NEK4: variants seen among roughly 807,000 people sequenced by gnomAD.
NEK4 encodes the protein NIMA related kinase 4, also known as serine/threonine-protein kinase Nek4.
NEK4 carries 86 observed loss-of-function variants against 98.4 expected under a neutral mutation model. That is an observed-to-expected ratio of 0.87 (90% confidence interval 0.73 to 1.05). The LOEUF (loss-of-function observed/expected upper bound fraction) is 1.05. Among genes scored for constraint, NEK4 ranks in the 50% least tolerant of loss-of-function variants. NEK4 has a pLI of 0.00. For synonymous variants in NEK4, 328 were observed against 342.2 expected (o/e 0.96, Z 0.46); for missense variants, 898 against 950.3 (o/e 0.94, Z 0.72).
At chr3:52,738,007 G>C (rs1578649887) in intron 14 of NEK4, among the ~76,000 whole-genome samples, 2 of 152,050 alleles carry the variant, frequency 1.3e-5, no homozygotes, top group South Asian at 4.2e-4. Flanking sequence ...TAGACACAGG[G>C]TTTCACTGTG....
At chr3:52,744,216 T>C (rs1274516301) in intron 11 of NEK4, 23 bp downstream of exon 11, 4 of 1,588,322 alleles carry the variant, frequency 2.5e-6, no homozygotes, top group Non-Finnish European at 3.5e-6. Flanking sequence ...GCCAATTAGA[T>C]GAAGAAAAGA....
Position 52,768,414 on chromosome 3 carries a change from A to G in NEK4, c.284T>C (p.Leu95Pro). The part of the protein sequence containing the change: ...FCEGGDLYRK[L>P]KEQKGQLLPE... ...CAGAAGCTGCCCTTTCTGCTCCTTG[A>G]GCTTTCGGTACAAATCACCTCCTTC... The change falls in exon 2 of 16, where the codon CTC (leucine) becomes CCC (proline). Residue 95 changes from leucine to proline, a missense_variant. Transcript: ENST00000233027. 6.2e-7 allele frequency: 1 copy of G among 1,614,098 alleles called. No homozygotes were observed. The highest frequency in any genetic ancestry group is 8.5e-7 in the Non-Finnish European group (1 of 1,179,988).
intron 5 of NEK4, among the ~76,000 whole-genome samples, chr3:52,761,661 G>A (rs1698362860): frequency 6.6e-6 from 1 of 152,160 alleles, no homozygotes; most frequent in South Asian, 2.1e-4. Flanking sequence ...GGTAATCACA[G>A]AAGAAACTAG....
At chr3:52,766,917 C>T (rs894970185) in intron 2 of NEK4, among the ~76,000 whole-genome samples, 4 of 151,770 alleles carry the variant, frequency 2.6e-5, no homozygotes, top group Non-Finnish European at 4.4e-5. Context: ...ACCCGGGAAG[C>T]GGAGCTTGCA....
chr3:52,763,913 T>A (rs1369654407), intron 4 of NEK4, among the ~76,000 whole-genome samples: 1 of 152,262 alleles, frequency 6.6e-6, no homozygotes, highest in Non-Finnish European at 1.5e-5. Flanking sequence ...AATGCAGTAC[T>A]GTTCTTGCAG....
intron 15 of NEK4, among the ~76,000 whole-genome samples, chr3:52,718,024 C>A (rs1199959481): frequency 2.0e-5 from 3 of 151,220 alleles, no homozygotes; most frequent in Admixed American, 6.6e-5. Flanking sequence ...AAACTCTTGA[C>A]CTCAAGTGAT....
At chr3:52,729,326 G>T (rs1477301449) in intron 15 of NEK4, among the ~76,000 whole-genome samples, 3 of 151,990 alleles carry the variant, frequency 2.0e-5, no homozygotes, top group African/African-American at 7.2e-5. Context: ...AAAATAGAAA[G>T]AACCTACGTT....
chr3:52,770,837 G>GGGCAGTGGGGCCGGCTGTTGA lies in NEK4; in HGVS notation c.-92_-91insTCAACAGCCGGCCCCACTGCC. Reference sequence around the variant, plus strand: ...AGAAGCTCGGTTCATGCCCGAGAGGGGGCAGTGGGGGCGGCTGTTGAGGCA... The same window carrying GGGCAGTGGGGCCGGCTGTTGA: ...AGAAGCTCGGTTCATGCCCGAGAGGGGGCAGTGGGGCCGGCTGTTGAGGCAGTGGGGGCGGCTGTTGAGGCA... On this transcript the variant is annotated 5_prime_UTR_variant, in exon 1 of 16. Transcript: ENST00000233027. 1 of 1,131,002 alleles carries GGGCAGTGGGGCCGGCTGTTGA rather than the reference G, an allele frequency of 8.8e-7. No homozygotes were observed. The highest frequency in any genetic ancestry group is 1.6e-5 in the African/African-American group (1 of 63,004). 70.1% of individuals were successfully genotyped at this position (1,131,002 alleles called of 1,614,324 possible). A position where few individuals can be genotyped will look rare whatever the true frequency, so the allele number is the denominator to read the frequency against.
intron 6 of NEK4, among the ~76,000 whole-genome samples, chr3:52,757,997 G>A (rs1177782602): frequency 2.0e-5 from 3 of 151,894 alleles, no homozygotes; most frequent in African/African-American, 7.3e-5. Context: ...CCAACGTGGT[G>A]AAACCCTGTC....
chr3:52,732,241 C>G (rs74429279), intron 15 of NEK4, among the ~76,000 whole-genome samples: 6,316 of 152,172 alleles, frequency 0.042, 242 homozygotes, highest in African/African-American at 0.099. Context: ...GTTGCCCAGG[C>G]TGAGTGCAGT....
chr3:52,717,172 C>T (rs975753403), intron 15 of NEK4, among the ~76,000 whole-genome samples: 10 of 151,904 alleles, frequency 6.6e-5, no homozygotes, highest in Admixed American at 2.6e-4. Flanking sequence ...TTTGGGAGAC[C>T]GAGGTGGGTG....
At chr3:52,722,571 A>G (rs1326108403) in intron 15 of NEK4, among the ~76,000 whole-genome samples, 1 of 152,180 alleles carries the variant, frequency 6.6e-6, no homozygotes, top group African/African-American at 2.4e-5. Context: ...AAAAGAAATC[A>G]ATAGAAATTG....
In NEK4 at chr3:52,739,502, A is replaced by G. The variant is rs776483280; in HGVS notation, c.2226T>C (p.Tyr742=). ...PVSEFKLHRK[Y]RDTLILHGKV... is the part of the protein sequence containing the mutation. The stretch of plus-strand genomic sequence containing the variant: ...TCCCATGAAGTATCAGTGTGTCCCG[A>G]TATTTCCGATGAAGTTTGAATTCTG... Residue 742 remains tyrosine, a synonymous_variant, in exon 14 of 16, where the codon TAT becomes TAC. Coordinates refer to ENST00000233027, the MANE Select transcript of NEK4 (RefSeq NM_003157.6). 11 of 1,614,044 alleles carry G rather than the reference A, an allele frequency of 6.8e-6. No individual in the cohort carries two copies. Among genetic ancestry groups the G allele is most frequent in the African/African-American group, 1.3e-5 (1 of 74,926 alleles).
intron 7 of NEK4, among the ~76,000 whole-genome samples, chr3:52,751,659 A>G (rs2097405300): frequency 6.6e-6 from 1 of 152,146 alleles, no homozygotes; most frequent in Non-Finnish European, 1.5e-5. Context: ...AAACACACAA[A>G]GCCATAAATT....
At chr3:52,760,654 A>G (rs1698320275) in intron 6 of NEK4, 141 bp downstream of exon 6, 2 of 702,054 alleles carry the variant, frequency 2.8e-6, no homozygotes, top group Non-Finnish European at 4.9e-6. Flanking sequence ...CTTAACCAGT[A>G]TTCTTTCTTT....
chr3:52,747,986 G>A (rs2097399154), intron 8 of NEK4, among the ~76,000 whole-genome samples: 1 of 151,890 alleles, frequency 6.6e-6, no homozygotes, highest in Non-Finnish European at 1.5e-5. Flanking sequence ...TTGAGACAGA[G>A]TCTCGCTCTG....
intron 7 of NEK4, among the ~76,000 whole-genome samples, chr3:52,750,978 T>A (rs533624412): frequency 5.9e-5 from 9 of 152,174 alleles, no homozygotes; most frequent in African/African-American, 2.2e-4. Context: ...TGTTGGTACA[T>A]CCTACATCAT....
rs1000133128 is a variant in NEK4, at chr3:52,760,962, T to C, written c.822-26A>G. The C allele has an allele frequency of 2.1e-6, 3 of 1,433,586 alleles. No homozygotes were observed. In the African/African-American group the frequency reaches 4.3e-5, roughly 21 times the overall value. 88.8% of individuals were successfully genotyped at this position (1,433,586 alleles called of 1,614,324 possible). ...CTTTATAAAGAAGAAAAGAAAGAGT[T>C]ATTATCAATATACTGAAGATTAAGG... On this transcript the variant is annotated intron_variant, in intron 5 of 15. Coordinates refer to ENST00000233027, the MANE Select transcript of NEK4 (RefSeq NM_003157.6).
chr3:52,765,312 T>C (rs1382342280), intron 4 of NEK4, among the ~76,000 whole-genome samples: 1 of 150,430 alleles, frequency 6.6e-6, no homozygotes, highest in East Asian at 2.0e-4. Context: ...GATCATGCCA[T>C]TGCACTCCAG....
Sources: gnomAD v4.1 joint callset for allele counts (sites outside exome capture counted in the v4.1 genomes callset) on GRCh38, gnomAD v4.1.1 for gene constraint, MANE v1.5 for transcripts, NCBI Gene and HGNC (gene_info 2026-07-23, HGNC 2026-07-21) for gene names.